ATXN1: variants seen among roughly 807,000 people sequenced by gnomAD.
The protein encoded by ATXN1 is ataxin 1.
In ATXN1, 8 loss-of-function variants were observed where a neutral mutation model predicts 56.4. The ratio of observed to expected loss-of-function variants is 0.14; its 90% CI spans 0.08 to 0.26. The LOEUF (loss-of-function observed/expected upper bound fraction) is 0.26. ATXN1 is among the 10% of genes least tolerant of loss of function. The pLI is 1.00. For synonymous variants in ATXN1, 514 were observed against 494.6 expected (o/e 1.04, Z -0.52); for missense variants, 987 against 1,106.5 (o/e 0.89, Z 1.53).
intron 3 of ATXN1, among the ~76,000 whole-genome samples, chr6:16,644,186 T>C (rs1189001206): frequency 6.6e-6 from 1 of 152,166 alleles, no homozygotes; most frequent in African/African-American, 2.4e-5. Context: ...ATGATTGCAC[T>C]ACACTGGAAA....
intron 6 of ATXN1, among the ~76,000 whole-genome samples, chr6:16,409,531 T>C (rs1168598275): frequency 6.6e-6 from 1 of 151,632 alleles, no homozygotes; most frequent in Non-Finnish European, 1.5e-5. Context: ...CTCACGCCTG[T>C]AGTCTCAGCT....
intron 6 of ATXN1, among the ~76,000 whole-genome samples, chr6:16,384,918 T>A (rs935191007): frequency 6.6e-6 from 1 of 152,204 alleles, no homozygotes; most frequent in Non-Finnish European, 1.5e-5. Flanking sequence ...TACATCTGTA[T>A]CCAGTGTGCA....
At chr6:16,480,154 CAAAAAAAAAAA>C (rs60209783) in intron 6 of ATXN1, among the ~76,000 whole-genome samples, 14 of 79,112 alleles carry the variant, frequency 1.8e-4, no homozygotes, top group African/African-American at 5.8e-4. Flanking sequence ...ACTTCATCTG[CAAAAAAAAAAA>C]AAAAAAAAAA....
At chr6:16,365,531 C>T (rs1358107637) in intron 6 of ATXN1, among the ~76,000 whole-genome samples, 5 of 152,230 alleles carry the variant, frequency 3.3e-5, no homozygotes, top group African/African-American at 1.2e-4. Context: ...ACTGTAAGAA[C>T]ATTCAAATGA....
chr6:16,489,575 ACTATTAAGGAAAC>A (rs1279287498), intron 5 of ATXN1, among the ~76,000 whole-genome samples: 1 of 152,188 alleles, frequency 6.6e-6, no homozygotes, highest in African/African-American at 2.4e-5. Context: ...TCTCAAAGCC[ACTATTAAGGAAAC>A]CTTCATGGCA....
intron 6 of ATXN1, among the ~76,000 whole-genome samples, chr6:16,449,637 G>A (rs1006938898): frequency 2.6e-5 from 4 of 152,204 alleles, no homozygotes; most frequent in African/African-American, 9.7e-5. Context: ...ATTAAAAAAT[G>A]TAAATGGTTT....
chr6:16,379,321 A>G (rs1190093333), intron 6 of ATXN1, among the ~76,000 whole-genome samples: 1 of 152,206 alleles, frequency 6.6e-6, no homozygotes, highest in Non-Finnish European at 1.5e-5. Context: ...TATACTGCTC[A>G]GGTGATGGGT....
intron 7 of ATXN1, among the ~76,000 whole-genome samples, chr6:16,318,121 A>G (rs1307519409): frequency 6.6e-6 from 1 of 152,240 alleles, no homozygotes; most frequent in Non-Finnish European, 1.5e-5. Flanking sequence ...CTATGTCTAT[A>G]TACACACATA....
rs60830508 is a variant in ATXN1, at chr6:16,301,085, C to CTTTTT, written c.*5239_*5243dup. The CTTTTT allele has an allele frequency of 0.15, 22,253 of 146,320 alleles. 2,172 individuals carry two copies. The highest frequency in any genetic ancestry group is 0.23 in the Admixed American group (3,442 of 14,676). 9.1% of individuals were successfully genotyped at this position (146,320 alleles called of 1,614,324 possible). A position where few individuals can be genotyped will look rare whatever the true frequency, so the allele number is the denominator to read the frequency against. ...ACATGTAACTTTCAACCCTTCTCTGCTTTTTTTTTTTTACAAACAAAGTAT... is the reference window on the plus strand; with the variant it reads ...ACATGTAACTTTCAACCCTTCTCTGCTTTTTTTTTTTTTTTTTACAAACAAAGTAT... On this transcript the variant is annotated 3_prime_UTR_variant, in exon 8 of 8. Transcript: ENST00000436367.
intron 4 of ATXN1, among the ~76,000 whole-genome samples, chr6:16,536,294 T>C (rs182003599): frequency 9.9e-5 from 15 of 152,284 alleles, no homozygotes; most frequent in Admixed American, 3.9e-4. Context: ...AATATTTTAT[T>C]TTGATTGAGT....
At chr6:16,365,349 T>C (rs1209181031) in intron 6 of ATXN1, among the ~76,000 whole-genome samples, 1 of 152,148 alleles carries the variant, frequency 6.6e-6, no homozygotes, top group Non-Finnish European at 1.5e-5. Context: ...CCTAACTTTT[T>C]GTATTTTTAG....
At chr6:16,357,852 T>C (rs1379165579) in intron 6 of ATXN1, among the ~76,000 whole-genome samples, 2 of 152,110 alleles carry the variant, frequency 1.3e-5, no homozygotes, top group Non-Finnish European at 2.9e-5. Context: ...ATACACAGAA[T>C]GGACAGAGTG....
At chr6:16,496,844 G>A (rs1057236644) in intron 5 of ATXN1, among the ~76,000 whole-genome samples, 4 of 151,876 alleles carry the variant, frequency 2.6e-5, no homozygotes, top group African/African-American at 4.8e-5. Context: ...ACATATTCTC[G>A]GGGAAGAGCA....
At chr6:16,577,467 T>C (rs1762444770) in intron 4 of ATXN1, among the ~76,000 whole-genome samples, 2 of 145,054 alleles carry the variant, frequency 1.4e-5, no homozygotes, top group African/African-American at 5.2e-5. Flanking sequence ...GAGGTTGCAG[T>C]GAGCCGAGAT....
At chr6:16,312,860 T>C (rs1026982460) in intron 7 of ATXN1, among the ~76,000 whole-genome samples, 3 of 151,588 alleles carry the variant, frequency 2.0e-5, no homozygotes, top group African/African-American at 7.3e-5. Context: ...GCCTAAAAAA[T>C]TGGAGATTTT....
chr6:16,665,988 A>G (rs560581866), intron 2 of ATXN1, among the ~76,000 whole-genome samples: 1 of 152,356 alleles, frequency 6.6e-6, no homozygotes, highest in South Asian at 2.1e-4. Context: ...TGTTAGGGAC[A>G]TTCCAAATTC....
At chr6:16,345,177 ATGT>A (rs954444664) in intron 6 of ATXN1, among the ~76,000 whole-genome samples, 5 of 152,200 alleles carry the variant, frequency 3.3e-5, no homozygotes, top group African/African-American at 9.7e-5. Context: ...ACATAAAATA[ATGT>A]TGTGGTATCT....
chr6:16,570,422 AT>A (rs1481478896), intron 4 of ATXN1, among the ~76,000 whole-genome samples: 4 of 152,074 alleles, frequency 2.6e-5, no homozygotes, highest in African/African-American at 9.7e-5. Context: ...ATAATTCAGA[AT>A]TTTTTTATTG....
At chr6:16,722,013 T>TG (rs1481936590) in intron 2 of ATXN1, among the ~76,000 whole-genome samples, 1 of 152,204 alleles carries the variant, frequency 6.6e-6, no homozygotes, top group Admixed American at 6.5e-5. Context: ...ACCACCTTAT[T>TG]GCAGTGGCCG....
Sources: gnomAD v4.1 joint callset for allele counts (sites outside exome capture counted in the v4.1 genomes callset) on GRCh38, gnomAD v4.1.1 for gene constraint, MANE v1.5 for transcripts, NCBI Gene and HGNC (gene_info 2026-07-23, HGNC 2026-07-21) for gene names.